The following KIDINS220 variants were observed in gnomAD, a reference collection of about 807,000 sequenced individuals.
KIDINS220 encodes kinase D-interacting substrate of 220 kDa.
In KIDINS220, 63 loss-of-function variants were observed where a neutral mutation model predicts 157.6. The observed-to-expected ratio is 0.40, with a 90% CI of 0.33 to 0.49. The LOEUF (loss-of-function observed/expected upper bound fraction) is 0.49. Among genes scored for constraint, KIDINS220 ranks in the 20% least tolerant of loss-of-function variants. The pLI is 0.66. For synonymous variants in KIDINS220, 732 were observed against 783.6 expected, an observed-to-expected ratio of 0.93 and a Z score of 1.10; for missense variants, 1,772 against 2,171.2, an observed-to-expected ratio of 0.82 and a Z score of 3.65.
At position 8,747,504 on chromosome 2, in the gene KIDINS220, A is replaced by G. The variant is rs1301896763; in HGVS notation, c.3529-303T>C. The G allele has an allele frequency of 6.6e-6, 3 of 457,870 alleles. No homozygotes were observed. In the East Asian group the frequency reaches 1.2e-4, roughly 19 times the overall value. The allele number at this position is 457,870 out of a possible 1,614,324, so 28.4% of individuals were successfully genotyped here. On this transcript the variant is annotated intron_variant, in intron 25 of 29. Transcript: ENST00000256707. ...GATTGAAATGTTCTTCCTTCAATAC[A>G]TCCTCTATTTTTTATATCATGGTGC...
intron 12 of KIDINS220, among the ~76,000 whole-genome samples, chr2:8,791,845 G>C (rs1379850995): frequency 2.6e-5 from 4 of 151,822 alleles, no homozygotes; most frequent in African/African-American, 4.8e-5. Context: ...AAATCCATGA[G>C]AATTTTGTTT....
In KIDINS220 at chr2:8,770,741, T is replaced by C. The variant is rs1341184987; in HGVS notation, c.2940A>G (p.Ser980=). Residue 980 remains serine (S), a synonymous_variant, in exon 22 of 30, where the codon TCA becomes TCG. Transcript: ENST00000256707. The part of the protein sequence containing the change: ...NLTEQWPYRT[S]WLILYLEETE... ...TCTCTTCCAAATATAATATGAGCCA[T>C]GAAGTCCGGTATGGCCACTGCTCAG... 3.7e-6 allele frequency: 6 copies of C among 1,612,402 alleles called. 1 individual carries two copies. The highest frequency in any genetic ancestry group is 2.2e-5 in the East Asian group (1 of 44,826).
In KIDINS220 at chr2:8,731,073, C is replaced by T. The variant is rs970613821; in HGVS notation, c.4963G>A (p.Glu1655Lys). 8.7e-6 allele frequency: 14 copies of T among 1,614,056 alleles called. No homozygotes were observed. Among genetic ancestry groups the T allele is most frequent in the African/African-American group, 2.7e-5 (2 of 74,916 alleles). Reference sequence around the variant, plus strand: ...GGGCTGCTGGCTATCAAGCTGCATTCGGAAGGGCTTTTCTTGTCTTCTGAA... The same window carrying T: ...GGGCTGCTGGCTATCAAGCTGCATTTGGAAGGGCTTTTCTTGTCTTCTGAA... Reference protein sequence around the residue: ...ICSEDKKSPSECSLIASSPEE... With the variant: ...ICSEDKKSPSKCSLIASSPEE... The change falls in exon 30 of 30, where the codon GAA becomes AAA. Residue 1655 changes from glutamate (E) to lysine (K), a missense_variant. Glu to Lys is a moderately conservative substitution (Grantham distance 56). Around this residue, in one of 3 missense-constraint regions of KIDINS220, gnomAD observed 793 missense variants for 885.5 expected, o/e 0.90. Transcript: ENST00000256707. The surrounding 1 kb of genome is among the most constrained non-coding windows in gnomAD (Gnocchi z 5.2).
At chr2:8,813,153 C>G in intron 5 of KIDINS220, 84 bp downstream of exon 5, 1 of 791,562 alleles carries the variant, frequency 1.3e-6, no homozygotes, top group South Asian at 1.8e-5. Flanking sequence ...CTACCCACCA[C>G]GAAGCCAAAT....
At position 8,729,267 on chromosome 2, in the gene KIDINS220, T is replaced by A; in HGVS notation, c.*1453A>T. 1.0e-6 allele frequency: 1 copy of A among 985,412 alleles called. No individual in the cohort carries two copies. Among genetic ancestry groups the A allele is most frequent in the Non-Finnish European group, 1.2e-6 (1 of 829,870 alleles). 61.0% of individuals were successfully genotyped at this position (985,412 alleles called of 1,614,324 possible). On this transcript the variant is annotated 3_prime_UTR_variant, in exon 30 of 30. Coordinates refer to ENST00000256707, the MANE Select transcript of KIDINS220 (RefSeq NM_020738.4). Reference sequence around the variant, plus strand: ...GCAATGAAACACAAAAGAGCAACTATTTAGCACAATGACTGGCCCAGTAAA... The same window carrying A: ...GCAATGAAACACAAAAGAGCAACTAATTAGCACAATGACTGGCCCAGTAAA...
chr2:8,771,800 T>C (rs1259955702), intron 21 of KIDINS220, among the ~76,000 whole-genome samples: 1 of 152,136 alleles, frequency 6.6e-6, no homozygotes, highest in Middle Eastern at 3.2e-3. Context: ...ACACAGAAAT[T>C]ATATTTTCAT....
In KIDINS220 at chr2:8,793,912, T is replaced by G. The variant is rs750241950; in HGVS notation, c.1174A>C (p.Lys392Gln). The G allele has an allele frequency of 6.2e-7, 1 of 1,614,088 alleles. No individual in the cohort carries two copies. The highest frequency in any genetic ancestry group is 1.1e-5 in the South Asian group (1 of 91,056). ...KLAELLLRNP[K>Q]DGRLLYRPNK... ...GGCCTATAAAGTAATCGCCCATCTTTGGGATTTCTTAAAAGCAGTTCTGCC... is the reference window on the plus strand; with the variant it reads ...GGCCTATAAAGTAATCGCCCATCTTGGGGATTTCTTAAAAGCAGTTCTGCC... The change falls in exon 12 of 30, where the codon AAA becomes CAA. Residue 392 changes from lysine (K) to glutamine (Q), a missense_variant. Lys to Gln is a moderately conservative substitution (Grantham distance 53). Transcript: ENST00000256707.
intron 15 of KIDINS220, among the ~76,000 whole-genome samples, chr2:8,787,307 G>C (rs1672549553): frequency 6.6e-6 from 1 of 150,494 alleles, no homozygotes; most frequent in Admixed American, 6.6e-5. Context: ...TACCTGGTTT[G>C]GCTTATTTAT....
chr2:8,811,990 A>G lies in KIDINS220; in HGVS notation c.504+405T>C, dbSNP rs543490850. On this transcript the variant is annotated intron_variant, in intron 6 of 29. Coordinates refer to ENST00000256707, the MANE Select transcript of KIDINS220 (RefSeq NM_020738.4). The stretch of plus-strand genomic sequence containing the variant: ...AGGAAGGCAAGGCCCATCTTCACCC[A>G]TCATACCAGAGATGGTCTTCAGGAA... Among the ~76,000 whole-genome samples the G allele has an allele frequency of 6.3e-4, 96 of 152,352 alleles. 2 individuals are homozygous for G. The highest frequency in any genetic ancestry group is 2.2e-3 in the African/African-American group (93 of 41,584).
chr2:8,734,590 A>G, intron 28 of KIDINS220, 65 bp downstream of exon 28: 1 of 1,147,772 alleles, frequency 8.7e-7, no homozygotes, highest in South Asian at 1.4e-5. Context: ...CTACAATGTT[A>G]TAAATAATTT....
At chr2:8,785,124 C>T (rs1400301720) in intron 17 of KIDINS220, among the ~76,000 whole-genome samples, 1 of 152,150 alleles carries the variant, frequency 6.6e-6, no homozygotes, top group Non-Finnish European at 1.5e-5. Context: ...CACTTAAATG[C>T]ATATGACTAC....
intron 1 of KIDINS220, among the ~76,000 whole-genome samples, chr2:8,827,701 A>T (rs1679019329): frequency 6.6e-6 from 1 of 152,134 alleles, no homozygotes; most frequent in East Asian, 1.9e-4. Context: ...CACTGCAAAT[A>T]AATAATTAAG....
chr2:8,742,674 C>A (rs1409002109), intron 26 of KIDINS220, among the ~76,000 whole-genome samples: 1 of 152,134 alleles, frequency 6.6e-6, no homozygotes. Context: ...CTGAGGAGGT[C>A]AAGAAAGAAT....
intron 1 of KIDINS220, 68 bp from the exon 2 acceptor site, chr2:8,827,197 T>A: frequency 1.6e-6 from 1 of 628,438 alleles, no homozygotes. Flanking sequence ...AAATACAATA[T>A]CCTTCTTAAC....
chr2:8,758,132 G>C (rs942410567), intron 22 of KIDINS220, among the ~76,000 whole-genome samples: 4 of 152,194 alleles, frequency 2.6e-5, no homozygotes, highest in African/African-American at 9.7e-5. Flanking sequence ...TAAAGTACTG[G>C]GATTACAGGC....
At chr2:8,831,674 G>A (rs1679644746) in intron 1 of KIDINS220, among the ~76,000 whole-genome samples, 1 of 152,170 alleles carries the variant, frequency 6.6e-6, no homozygotes, top group South Asian at 2.1e-4. Context: ...TAGACTAGAA[G>A]TTCTTGCAGC....
At chr2:8,802,657 C>T (rs1305048543) in intron 8 of KIDINS220, among the ~76,000 whole-genome samples, 17 of 152,076 alleles carry the variant, frequency 1.1e-4, no homozygotes, top group Admixed American at 1.1e-3. Context: ...GAAGTTAGGG[C>T]ACAAGAAAGC....
At chr2:8,772,760 T>C (rs1014144126) in intron 21 of KIDINS220, among the ~76,000 whole-genome samples, 1 of 152,226 alleles carries the variant, frequency 6.6e-6, no homozygotes, top group Non-Finnish European at 1.5e-5. Flanking sequence ...TAAATACTTA[T>C]CAATATTTAT....
chr2:8,752,581 G>A (rs1667513731), intron 22 of KIDINS220, among the ~76,000 whole-genome samples: 1 of 151,916 alleles, frequency 6.6e-6, no homozygotes, highest in African/African-American at 2.4e-5. Flanking sequence ...TTAAACAGAT[G>A]GCCCAAAGTC....
Sources: gnomAD v4.1 joint callset for allele counts (sites outside exome capture counted in the v4.1 genomes callset) on GRCh38, gnomAD v4.1.1 for gene constraint, gnomAD v4.1.1 regional missense constraint, Gnocchi (gnomAD v3.1) non-coding constraint, MANE v1.5 for transcripts, NCBI Gene and HGNC (gene_info 2026-07-23, HGNC 2026-07-21) for gene names.